The following TEX11 variants were observed in gnomAD, a reference collection of about 807,000 sequenced individuals.
TEX11 encodes the protein testis expressed 11.
TEX11 carries 7 observed loss-of-function variants against 84.4 expected under a neutral mutation model. The observed-to-expected ratio is 0.08, with a 90% CI of 0.05 to 0.16. The LOEUF (loss-of-function observed/expected upper bound fraction) is 0.16, where lower values mean the gene tolerates loss of function less well. Ranked by LOEUF, TEX11 falls within the 10% of genes least tolerant of loss-of-function variation. TEX11 has a pLI of 1.00. For synonymous variants in TEX11, 264 were observed against 222.8 expected (o/e 1.18, Z -1.64); for missense variants, 551 against 660.5 (o/e 0.83, Z 1.82).
At chrX:70,732,209 C>T (rs1327074074) in intron 11 of TEX11, among the ~76,000 whole-genome samples, 1 of 111,659 alleles carries the variant, frequency 9.0e-6, no homozygotes. Flanking sequence ...ACTGAATGGG[C>T]AAAAACTGGA....
chrX:70,700,076 C>T (rs1234054959), intron 13 of TEX11, among the ~76,000 whole-genome samples: 1 of 107,202 alleles, frequency 9.3e-6, no homozygotes, highest in Non-Finnish European at 1.9e-5. Flanking sequence ...TTTTATTGCA[C>T]TTCTCTTTAT....
rs183187300 is a variant in TEX11 at position 70,586,930 on chromosome X, T to A, written c.2140+4821A>T. On this transcript the variant is annotated intron_variant, in intron 25 of 29. Transcript: ENST00000374333. Reference sequence around the variant, plus strand: ...TGAATGGTTTTGGCCAAAATGCTTATAGTGATATGAACAGTGAAGCCCAGG... The same window carrying A: ...TGAATGGTTTTGGCCAAAATGCTTAAAGTGATATGAACAGTGAAGCCCAGG... Among the ~76,000 whole-genome samples the A allele has an allele frequency of 2.7e-3, 306 of 111,851 alleles. 3 individuals carry two copies. Among genetic ancestry groups the A allele is most frequent in the African/African-American group, 9.2e-3 (285 of 30,846 alleles).
chrX:70,521,762 A>T, the TEX11 span, among the ~76,000 whole-genome samples: 1 of 112,076 alleles, frequency 8.9e-6, no homozygotes, highest in Non-Finnish European at 1.9e-5. Flanking sequence ...ATAGTAAGGT[A>T]TTTTGCCTAA....
chrX:70,679,791 C>A (rs1379294701), intron 14 of TEX11, among the ~76,000 whole-genome samples: 9 of 98,812 alleles, frequency 9.1e-5, no homozygotes, highest in Non-Finnish European at 1.1e-4. Flanking sequence ...GGGGGGTCAG[C>A]CCCCCGCCCG....
intron 28 of TEX11, among the ~76,000 whole-genome samples, chrX:70,537,274 C>T (rs955459727): frequency 9.0e-6 from 1 of 111,195 alleles, no homozygotes; most frequent in Non-Finnish European, 1.9e-5. Flanking sequence ...AGCCACTTTA[C>T]TTGAGTTTGC....
At chrX:70,602,537 T>C (rs1289308592) in intron 24 of TEX11, among the ~76,000 whole-genome samples, 1 of 106,640 alleles carries the variant, frequency 9.4e-6, no homozygotes, top group Non-Finnish European at 1.9e-5. Flanking sequence ...AATTAGGTAT[T>C]GATGGGATGT....
intron 8 of TEX11, among the ~76,000 whole-genome samples, chrX:70,819,197 C>G (rs2091305658): frequency 9.0e-6 from 1 of 111,619 alleles, no homozygotes; most frequent in Non-Finnish European, 1.9e-5. Flanking sequence ...CGATAAAATA[C>G]TAAGAAACTG....
chrX:70,722,807 C>T (rs1057282513), intron 12 of TEX11, 111 bp from the exon 13 acceptor site: 2 of 553,996 alleles, frequency 3.6e-6, no homozygotes, highest in African/African-American at 2.3e-5. Flanking sequence ...TTGCCATATA[C>T]CATGTTTTGC....
In TEX11 at chrX:70,610,530, C is replaced by T. The variant is rs753602584; in HGVS notation, c.1765G>A (p.Asp589Asn). ...CTATTCAGGCAAGTCAAAAGTCGAT[C>T]CATTTCTTTCTTCCTAAAAATAAAG... ...PESEDKKKEM[D>N]RLLTCLNRAF... The change falls in exon 21 of 30, where the codon GAT (aspartate) becomes AAT (asparagine). Residue 589 changes from aspartate (D) to asparagine (N), a missense_variant. Transcript: ENST00000374333. 1 of 1,206,051 alleles carries T rather than the reference C, an allele frequency of 8.3e-7. No individual in the cohort carries two copies. Among genetic ancestry groups the T allele is most frequent in the Non-Finnish European group, 1.1e-6 (1 of 892,293 alleles).
At chrX:70,788,685 A>AACACAC (rs753573687) in intron 9 of TEX11, among the ~76,000 whole-genome samples, 6,423 of 69,327 alleles carry the variant, frequency 0.093, 345 homozygotes, top group Admixed American at 0.13. Flanking sequence ...TCTCTTGGGA[A>AACACAC]ACACACACAC....
intron 18 of TEX11, 122 bp downstream of exon 18, chrX:70,629,489 G>A (rs2089484756): frequency 1.2e-6 from 1 of 835,403 alleles, no homozygotes; most frequent in African/African-American, 2.1e-5. Context: ...AGTTTGGCAT[G>A]AAAATATGAG....
chrX:70,547,783 A>G (rs2088152633), intron 28 of TEX11, among the ~76,000 whole-genome samples: 1 of 111,925 alleles, frequency 8.9e-6, no homozygotes, highest in Non-Finnish European at 1.9e-5. Context: ...GTGCTGGAGA[A>G]GATGTGGAGA....
intron 9 of TEX11, among the ~76,000 whole-genome samples, chrX:70,763,428 T>C (rs1450477782): frequency 2.7e-5 from 3 of 110,425 alleles, no homozygotes; most frequent in African/African-American, 9.9e-5. Context: ...TATGATGGAC[T>C]TTGGGGACTC....
chrX:70,650,682 C>T (rs950312733), intron 17 of TEX11, among the ~76,000 whole-genome samples: 1 of 111,341 alleles, frequency 9.0e-6, no homozygotes, highest in African/African-American at 3.3e-5. Flanking sequence ...GTCCTTTGTA[C>T]GTAGTAGGTG....
In TEX11 at chrX:70,739,776, A is replaced by G. The variant is rs185239451; in HGVS notation, c.843+925T>C. ...TGTCCAGGAGTGTAGATATATACAC[A>G]TTTTGTTTTGTTTGTTTTAGAGATG... On this transcript the variant is annotated intron_variant, in intron 11 of 29. Transcript: ENST00000374333. Among the ~76,000 whole-genome samples the G allele has an allele frequency of 3.0e-3, 335 of 110,631 alleles. 1 individual carries two copies. The highest frequency in any genetic ancestry group is 5.1e-3 in the Non-Finnish European group (269 of 52,779).
At chrX:70,811,990 G>A (rs1394278971) in intron 8 of TEX11, among the ~76,000 whole-genome samples, 1 of 111,674 alleles carries the variant, frequency 9.0e-6, no homozygotes, top group Non-Finnish European at 1.9e-5. Context: ...TGTTCACTCT[G>A]ATGGTAGTTT....
the TEX11 span, among the ~76,000 whole-genome samples, chrX:70,517,296 A>G: frequency 8.9e-6 from 1 of 112,042 alleles, no homozygotes; most frequent in Non-Finnish European, 1.9e-5. Flanking sequence ...GATACGTTCC[A>G]TCAATACCTA....
intron 4 of TEX11, among the ~76,000 whole-genome samples, chrX:70,869,955 TA>T (rs2091621340): frequency 8.9e-6 from 1 of 111,871 alleles, no homozygotes; most frequent in East Asian, 2.8e-4. Context: ...TACTTCCATA[TA>T]AAGATGTTTT....
At chrX:70,614,446 G>A (rs1393855283) in intron 20 of TEX11, among the ~76,000 whole-genome samples, 1 of 110,646 alleles carries the variant, frequency 9.0e-6, no homozygotes, top group African/African-American at 3.3e-5. Flanking sequence ...GGGAAGAGTG[G>A]GAAGGACTGT....
Sources: allele counts gnomAD v4.1 joint callset (sites outside exome capture counted in the v4.1 genomes callset), GRCh38; gene constraint gnomAD v4.1.1; transcripts MANE v1.5; gene names NCBI Gene and HGNC (gene_info 2026-07-23, HGNC 2026-07-21).